The following CCDC148 variants were observed in gnomAD, a reference collection of about 807,000 sequenced individuals.
CCDC148 encodes coiled-coil domain containing 148.
A neutral mutation model predicts 85.7 loss-of-function variants in CCDC148; 89 were observed. The observed-to-expected ratio is 1.04, with a 90% CI of 0.87 to 1.24. The LOEUF is 1.24. Among genes scored for constraint, CCDC148 ranks in the 50% most tolerant of loss-of-function variants. CCDC148 has a pLI of 0.00. For synonymous variants in CCDC148, 230 were observed against 213.9 expected, an observed-to-expected ratio of 1.08 and a Z score of -0.66; for missense variants, 692 against 671.7, an observed-to-expected ratio of 1.03 and a Z score of -0.33.
At chr2:158,439,122 C>T (rs1434727955) in intron 1 of CCDC148, among the ~76,000 whole-genome samples, 2 of 152,196 alleles carry the variant, frequency 1.3e-5, no homozygotes, top group Non-Finnish European at 2.9e-5. Context: ...CATCCCATTA[C>T]TGGGTATATA....
intron 1 of CCDC148, among the ~76,000 whole-genome samples, chr2:158,386,144 G>C (rs1171772087): frequency 6.6e-6 from 1 of 152,056 alleles, no homozygotes; most frequent in Admixed American, 6.6e-5. Flanking sequence ...AGTTGATGCA[G>C]AAGGTAATTA....
At chr2:158,303,130 A>G (rs1000939674) in intron 9 of CCDC148, among the ~76,000 whole-genome samples, 1 of 152,052 alleles carries the variant, frequency 6.6e-6, no homozygotes, top group African/African-American at 2.4e-5. Context: ...CATCTAAATT[A>G]CCCCCCAAAA....
At chr2:158,419,515 G>A (rs948931091) in intron 1 of CCDC148, among the ~76,000 whole-genome samples, 14 of 152,186 alleles carry the variant, frequency 9.2e-5, no homozygotes, top group African/African-American at 3.4e-4. Context: ...TACTAACTAT[G>A]GCTTTGAACA....
chr2:158,384,499 C>T (rs1574730135), intron 1 of CCDC148, among the ~76,000 whole-genome samples: 1 of 152,040 alleles, frequency 6.6e-6, no homozygotes, highest in Non-Finnish European at 1.5e-5. Context: ...CTGTGTAGCA[C>T]CTCCCCGTTC....
chr2:158,176,369 A>G, intron 13 of CCDC148, 152 bp downstream of exon 13: 1 of 653,162 alleles, frequency 1.5e-6, no homozygotes, highest in Non-Finnish European at 2.4e-6. Flanking sequence ...TTATGTAGTA[A>G]TTATGTACTA....
At chr2:158,397,123 G>A (rs976780690) in intron 1 of CCDC148, among the ~76,000 whole-genome samples, 14 of 152,144 alleles carry the variant, frequency 9.2e-5, no homozygotes, top group Admixed American at 2.0e-4. Flanking sequence ...AAGCTCAGGT[G>A]AAGAAGGCAA....
chr2:158,416,495 T>C (rs978656492), intron 1 of CCDC148, among the ~76,000 whole-genome samples: 1 of 152,144 alleles, frequency 6.6e-6, no homozygotes, highest in African/African-American at 2.4e-5. Flanking sequence ...CTAAATTCTA[T>C]CTCTCAAGTA....
At chr2:158,441,467 G>C (rs1258238261) in intron 1 of CCDC148, among the ~76,000 whole-genome samples, 3 of 152,098 alleles carry the variant, frequency 2.0e-5, no homozygotes, top group Non-Finnish European at 2.9e-5. Context: ...AATAAGTACA[G>C]AATGTAGTTG....
intron 9 of CCDC148, among the ~76,000 whole-genome samples, chr2:158,253,855 T>C (rs1055663477): frequency 4.6e-5 from 7 of 151,576 alleles, no homozygotes; most frequent in Admixed American, 4.0e-4. Flanking sequence ...AATCTTAACA[T>C]CACAGAGGAA....
intron 1 of CCDC148, among the ~76,000 whole-genome samples, chr2:158,384,684 T>C (rs114418276): frequency 0.013 from 2,010 of 152,302 alleles, 33 homozygotes; most frequent in African/African-American, 0.046. Flanking sequence ...TAGGTCTTTA[T>C]AGCAATGCAA....
At chr2:158,329,940 A>G (rs1413136232) in intron 7 of CCDC148, among the ~76,000 whole-genome samples, 1 of 152,018 alleles carries the variant, frequency 6.6e-6, no homozygotes, top group Non-Finnish European at 1.5e-5. Context: ...GATATAAAAT[A>G]TGTCATCTGC....
chr2:158,434,533 A>C (rs1219493003), intron 1 of CCDC148, among the ~76,000 whole-genome samples: 3 of 152,226 alleles, frequency 2.0e-5, no homozygotes, highest in Admixed American at 6.5e-5. Flanking sequence ...CAGAGCAGAA[A>C]AGCTGAAAAT....
rs181646646 is a variant in CCDC148, at chr2:158,409,283, G to A, written c.25+47132C>T. Among the ~76,000 whole-genome samples, 405 of 152,184 alleles carry A rather than the reference G, an allele frequency of 2.7e-3. 3 individuals are homozygous for A. The highest frequency in any genetic ancestry group is 9.1e-3 in the African/African-American group (377 of 41,542). On this transcript the variant is annotated intron_variant, in intron 1 of 13. Transcript: ENST00000283233. ...CACTGACAGCTTGTACCATGAGCCT[G>A]GAAAAGCAACAGACACTAAACGACA...
intron 1 of CCDC148, among the ~76,000 whole-genome samples, chr2:158,376,596 C>T (rs1289610768): frequency 6.6e-6 from 1 of 151,448 alleles, no homozygotes; most frequent in Non-Finnish European, 1.5e-5. Context: ...TGTATTATTG[C>T]CAGTTAAATT....
intron 1 of CCDC148, among the ~76,000 whole-genome samples, chr2:158,377,280 TG>T (rs371795583): frequency 1.2e-4 from 15 of 128,932 alleles, no homozygotes; most frequent in African/African-American, 2.4e-4. Flanking sequence ...GTCGATGGTG[TG>T]GGGGGGGTGG....
chr2:158,342,178 C>G (rs187129792), intron 3 of CCDC148, among the ~76,000 whole-genome samples: 145 of 151,522 alleles, frequency 9.6e-4, no homozygotes, highest in Middle Eastern at 3.4e-3. Flanking sequence ...TACAGGTGCG[C>G]GCCACCATGC....
At chr2:158,180,168 A>C (rs965540377) in intron 11 of CCDC148, among the ~76,000 whole-genome samples, 7 of 152,094 alleles carry the variant, frequency 4.6e-5, no homozygotes, top group Non-Finnish European at 8.8e-5. Context: ...CTTTACCCTT[A>C]GTGTGCACAC....
chr2:158,188,789 C>T (rs1037979209), intron 11 of CCDC148, among the ~76,000 whole-genome samples: 14 of 151,974 alleles, frequency 9.2e-5, no homozygotes, highest in African/African-American at 3.4e-4. Context: ...AAACTCTCAA[C>T]AGATTGAACA....
At chr2:158,349,065 C>G (rs111840186) in intron 2 of CCDC148, among the ~76,000 whole-genome samples, 1 of 151,846 alleles carries the variant, frequency 6.6e-6, no homozygotes, top group Non-Finnish European at 1.5e-5. Context: ...TAGCTGGCAT[C>G]GCAGAAATTG....
Sources: allele counts gnomAD v4.1 joint callset (sites outside exome capture counted in the v4.1 genomes callset), GRCh38; gene constraint gnomAD v4.1.1; transcripts MANE v1.5; gene names NCBI Gene and HGNC (gene_info 2026-07-23, HGNC 2026-07-21).